The following SYNPR variants were observed in gnomAD, a reference collection of about 807,000 sequenced individuals.
The protein encoded by SYNPR is synaptoporin.
A neutral mutation model predicts 32.9 loss-of-function variants in SYNPR; 23 were observed. The observed-to-expected ratio is 0.70, with a 90% confidence interval of 0.50 to 0.99. The LOEUF is 0.99. Ranked by LOEUF, SYNPR falls within the 50% of genes least tolerant of loss-of-function variation. The pLI is 0.00. For missense variants in SYNPR, 318 were observed against 349.3 expected, an observed-to-expected ratio of 0.91 and a Z score of 0.71; for synonymous variants, 146 against 135.9, an observed-to-expected ratio of 1.07 and a Z score of -0.52.
chr3:63,402,340 G>A (rs908292324), intron 2 of SYNPR, among the ~76,000 whole-genome samples: 4 of 152,102 alleles, frequency 2.6e-5, no homozygotes, highest in Non-Finnish European at 5.9e-5. Flanking sequence ...AGGGTAGAAC[G>A]GGGAGAGGCA....
At chr3:63,576,806 A>G (rs1400677470) in intron 4 of SYNPR, among the ~76,000 whole-genome samples, 1 of 151,290 alleles carries the variant, frequency 6.6e-6, no homozygotes, top group Non-Finnish European at 1.5e-5. Flanking sequence ...AAAAAAAAAG[A>G]AAGAAAGAAA....
At chr3:63,598,859 G>A (rs1038490757) in intron 4 of SYNPR, among the ~76,000 whole-genome samples, 3 of 152,186 alleles carry the variant, frequency 2.0e-5, no homozygotes, top group Non-Finnish European at 4.4e-5. Context: ...TTAAAAATGT[G>A]TCTTCCATAT....
At chr3:63,425,803 G>T (rs1363088257) in intron 2 of SYNPR, among the ~76,000 whole-genome samples, 1 of 137,546 alleles carries the variant, frequency 7.3e-6, no homozygotes, top group East Asian at 2.1e-4. Context: ...TTTTTAGTAA[G>T]ATGAAGTCTT....
At chr3:63,504,485 A>G (rs890462184) in intron 3 of SYNPR, among the ~76,000 whole-genome samples, 5 of 151,926 alleles carry the variant, frequency 3.3e-5, no homozygotes, top group Non-Finnish European at 7.4e-5. Flanking sequence ...AAATTTACAA[A>G]CCATTTGCTT....
At chr3:63,400,186 T>C (rs1188749638) in intron 2 of SYNPR, among the ~76,000 whole-genome samples, 2 of 152,270 alleles carry the variant, frequency 1.3e-5, no homozygotes, top group African/African-American at 2.4e-5. Context: ...TGGGCTTTTC[T>C]ACTTCTTATC....
At chr3:63,567,909 T>G (rs1343576023) in intron 4 of SYNPR, among the ~76,000 whole-genome samples, 1 of 152,228 alleles carries the variant, frequency 6.6e-6, no homozygotes, top group East Asian at 1.9e-4. Context: ...CTAATCAATT[T>G]ATATGCTATC....
At chr3:63,265,327 A>C (rs190349981) in intron 2 of SYNPR, among the ~76,000 whole-genome samples, 2 of 145,462 alleles carry the variant, frequency 1.4e-5, no homozygotes, top group African/African-American at 5.2e-5. Flanking sequence ...TCTTGGCTCA[A>C]TGCAAACTCC....
At chr3:63,384,347 A>G (rs1461310856) in intron 2 of SYNPR, among the ~76,000 whole-genome samples, 2 of 152,184 alleles carry the variant, frequency 1.3e-5, no homozygotes, top group Non-Finnish European at 2.9e-5. Context: ...ATCCTCCACG[A>G]ATATCATTTT....
At chr3:63,614,227 C>T (rs1177426432) in intron 5 of SYNPR, among the ~76,000 whole-genome samples, 1 of 152,192 alleles carries the variant, frequency 6.6e-6, no homozygotes, top group Non-Finnish European at 1.5e-5. Context: ...TTGCGTTATA[C>T]TACTGTTACC....
intron 2 of SYNPR, among the ~76,000 whole-genome samples, chr3:63,354,819 A>T (rs574946978): frequency 6.6e-6 from 1 of 152,218 alleles, no homozygotes; most frequent in African/African-American, 2.4e-5. Flanking sequence ...AGCCTGCTTT[A>T]TGAGCTACTG....
chr3:63,495,729 A>G (rs1197719254), intron 3 of SYNPR, among the ~76,000 whole-genome samples: 1 of 152,094 alleles, frequency 6.6e-6, no homozygotes, highest in Non-Finnish European at 1.5e-5. Flanking sequence ...TTCTGTTCTA[A>G]AATCCTTTTA....
chr3:63,253,430 C>T (rs191357031), intron 2 of SYNPR, among the ~76,000 whole-genome samples: 4 of 152,122 alleles, frequency 2.6e-5, no homozygotes, highest in Non-Finnish European at 4.4e-5. Flanking sequence ...TAAAGACTAC[C>T]TTGAAATAAT....
intron 2 of SYNPR, among the ~76,000 whole-genome samples, chr3:63,397,082 C>A (rs2088224906): frequency 2.5e-5 from 3 of 121,658 alleles, no homozygotes; most frequent in East Asian, 2.3e-4. Context: ...CCAGCCTGGG[C>A]AACAGAGCGA....
intron 2 of SYNPR, among the ~76,000 whole-genome samples, chr3:63,471,279 A>G (rs1224323224): frequency 6.6e-6 from 1 of 152,208 alleles, no homozygotes; most frequent in East Asian, 1.9e-4. Context: ...CTGTGGAGGA[A>G]AGCCTTTTAA....
chr3:63,443,680 T>C (rs1346751300), intron 2 of SYNPR, among the ~76,000 whole-genome samples: 2 of 152,366 alleles, frequency 1.3e-5, no homozygotes, highest in Admixed American at 6.5e-5. Context: ...ATGCTTACTT[T>C]AGCTGTTTAA....
At chr3:63,393,491 C>CTTTTTTTTTTTTTTTTTTTTTTTTT (rs1482584312) in intron 2 of SYNPR, among the ~76,000 whole-genome samples, 1 of 116,624 alleles carries the variant, frequency 8.6e-6, no homozygotes, top group African/African-American at 3.8e-5. Context: ...TTCTTTCTTT[C>CTTTTTTTTTTTTTTTTTTTTTTTTT]TTCTCTTTTT....
intron 2 of SYNPR, among the ~76,000 whole-genome samples, chr3:63,413,773 C>G (rs1345057987): frequency 6.6e-6 from 1 of 152,074 alleles, no homozygotes; most frequent in Non-Finnish European, 1.5e-5. Context: ...GGAAGAGGAA[C>G]TGGAAAGAAA....
At chr3:63,225,710 C>A (rs1249184529), upstream of SYNPR, among the ~76,000 whole-genome samples, 3 of 152,100 alleles carry the variant, frequency 2.0e-5, no homozygotes, top group African/African-American at 7.2e-5. Flanking sequence ...GAAGAAAACA[C>A]AGAGAAAACA....
intron 3 of SYNPR, among the ~76,000 whole-genome samples, chr3:63,495,561 T>C (rs11714690): frequency 0.17 from 26,473 of 152,170 alleles, 2,463 homozygotes; most frequent in African/African-American, 0.21. Context: ...ACAATCTCTG[T>C]ACACGTGTTT....
Sources: allele counts gnomAD v4.1 joint callset (sites outside exome capture counted in the v4.1 genomes callset), GRCh38; gene constraint gnomAD v4.1.1; transcripts MANE v1.5; gene names NCBI Gene and HGNC (gene_info 2026-07-23, HGNC 2026-07-21).